The following CAMKMT variants were observed in gnomAD, a reference collection of about 807,000 sequenced individuals.
CAMKMT encodes calmodulin-lysine N-methyltransferase.
A neutral mutation model predicts 48.0 loss-of-function variants in CAMKMT; 53 were observed. The observed-to-expected ratio is 1.10, with a 90% confidence interval of 0.89 to 1.39. The LOEUF (loss-of-function observed/expected upper bound fraction) is 1.39. Among genes scored for constraint, CAMKMT ranks in the 40% most tolerant of loss-of-function variants. The pLI is 0.00. For synonymous variants in CAMKMT, 165 were observed against 152.3 expected (o/e 1.08, Z -0.61); for missense variants, 428 against 402.7 (o/e 1.06, Z -0.54).
chr2:44,766,599 G>C (rs375205307), intron 10 of CAMKMT, 38 bp downstream of exon 10: 1 of 1,606,678 alleles, frequency 6.2e-7, no homozygotes, highest in Non-Finnish European at 8.5e-7. Context: ...ACTTTAATCC[G>C]CATTGCATTT....
chr2:44,659,973 T>C (rs1165187112), intron 3 of CAMKMT, among the ~76,000 whole-genome samples: 1 of 152,210 alleles, frequency 6.6e-6, no homozygotes, highest in Admixed American at 6.5e-5. Context: ...AAAGAACTTT[T>C]GTTTATATGA....
intron 1 of CAMKMT, among the ~76,000 whole-genome samples, chr2:44,368,161 GACTT>G (rs1160287765): frequency 6.6e-6 from 1 of 152,094 alleles, no homozygotes; most frequent in African/African-American, 2.4e-5. Context: ...ATAGCTCATT[GACTT>G]ACTTAGGAGA....
chr2:44,683,475 G>A (rs1676136148), intron 3 of CAMKMT, among the ~76,000 whole-genome samples: 1 of 152,160 alleles, frequency 6.6e-6, no homozygotes, highest in South Asian at 2.1e-4. Context: ...CAAGCCCCTG[G>A]ATCCTTTAGA....
At chr2:44,755,120 C>T (rs1680316580) in intron 9 of CAMKMT, among the ~76,000 whole-genome samples, 1 of 152,126 alleles carries the variant, frequency 6.6e-6, no homozygotes, top group Admixed American at 6.6e-5. Context: ...TCATCCTTTG[C>T]CATACACTGT....
At position 44,407,442 on chromosome 2, in the gene CAMKMT, T is replaced by G. The variant is rs201878280; in HGVS notation, c.376+17137T>G. 1.4e-4 allele frequency among the ~76,000 whole-genome samples: 21 copies of G among 152,286 alleles called. No homozygotes were observed. In the South Asian group the frequency reaches 1.5e-3, roughly 11 times the overall value. Reference sequence around the variant, plus strand: ...ACGGCAATACACTTTTGCTTTGTATTAGTGCAGGATCCTTGGCATGAGTGG... The same window carrying G: ...ACGGCAATACACTTTTGCTTTGTATGAGTGCAGGATCCTTGGCATGAGTGG... On this transcript the variant is annotated intron_variant, in intron 3 of 10. Coordinates refer to ENST00000378494, the MANE Select transcript of CAMKMT (RefSeq NM_024766.5).
chr2:44,713,491 G>A (rs779700478), intron 6 of CAMKMT, among the ~76,000 whole-genome samples: 46 of 152,136 alleles, frequency 3.0e-4, no homozygotes, highest in Non-Finnish European at 5.6e-4. Context: ...TCATTTAGAA[G>A]ACTTTCCTGA....
intron 3 of CAMKMT, among the ~76,000 whole-genome samples, chr2:44,494,881 G>C (rs1428100643): frequency 7.9e-5 from 12 of 152,196 alleles, no homozygotes; most frequent in Admixed American, 7.9e-4. Flanking sequence ...AGTAATCAGA[G>C]CACTGTGCTT....
chr2:44,405,558 G>A (rs1682722457), intron 3 of CAMKMT, among the ~76,000 whole-genome samples: 1 of 151,982 alleles, frequency 6.6e-6, no homozygotes, highest in African/African-American at 2.4e-5. Flanking sequence ...AAGGAATGGG[G>A]TAGAAGAAAA....
chr2:44,722,119 C>A (rs1678497468), intron 7 of CAMKMT, among the ~76,000 whole-genome samples: 1 of 150,614 alleles, frequency 6.6e-6, no homozygotes, highest in South Asian at 2.1e-4. Context: ...ATGGATAGAC[C>A]ACACTTTATC....
rs149269689 is a variant in CAMKMT at position 44,363,818 on chromosome 2, A to G, written c.138+1673A>G. Among the ~76,000 whole-genome samples the G allele has an allele frequency of 1.4e-3, 205 of 150,588 alleles. 3 individuals carry two copies. Among genetic ancestry groups the G allele is most frequent in the African/African-American group, 4.7e-3 (193 of 41,026 alleles). On this transcript the variant is annotated intron_variant, in intron 1 of 10. Transcript: ENST00000378494. ...AATTCTCCCGTACTCAGCCTTCCGA[A>G]TAGCTGGGATTACAGGTGCTCGCCA... is the stretch of plus-strand genomic sequence containing the variant.
intron 3 of CAMKMT, among the ~76,000 whole-genome samples, chr2:44,649,752 C>G (rs1673953239): frequency 1.3e-5 from 2 of 152,146 alleles, no homozygotes; most frequent in African/African-American, 4.8e-5. Context: ...ACAAACTCAC[C>G]CATTCCTGCT....
intron 3 of CAMKMT, among the ~76,000 whole-genome samples, chr2:44,480,798 A>G (rs1222747239): frequency 6.6e-6 from 1 of 152,090 alleles, no homozygotes; most frequent in Non-Finnish European, 1.5e-5. Flanking sequence ...TTTTTGAACC[A>G]TATTTTTGGA....
chr2:44,561,901 G>T (rs901543915), intron 3 of CAMKMT, among the ~76,000 whole-genome samples: 8 of 152,180 alleles, frequency 5.3e-5, no homozygotes, highest in Non-Finnish European at 7.3e-5. Context: ...GAAATCACTA[G>T]GCGATGGCCA....
chr2:44,628,239 T>G (rs1672608131), intron 3 of CAMKMT, among the ~76,000 whole-genome samples: 1 of 152,160 alleles, frequency 6.6e-6, no homozygotes, highest in Admixed American at 6.5e-5. Flanking sequence ...TGAGCCACTG[T>G]GCCCATCATT....
intron 3 of CAMKMT, among the ~76,000 whole-genome samples, chr2:44,508,409 A>G (rs1378969596): frequency 2.0e-5 from 3 of 152,188 alleles, no homozygotes; most frequent in African/African-American, 7.2e-5. Flanking sequence ...GTATACCTAT[A>G]GGTATAGAAC....
chr2:44,692,926 T>G (rs1676744291), intron 3 of CAMKMT, among the ~76,000 whole-genome samples: 1 of 152,166 alleles, frequency 6.6e-6, no homozygotes, highest in Non-Finnish European at 1.5e-5. Context: ...TCATATAAAA[T>G]TGAAGGAAAA....
chr2:44,490,836 A>C (rs998946227), intron 3 of CAMKMT, among the ~76,000 whole-genome samples: 1 of 152,130 alleles, frequency 6.6e-6, no homozygotes, highest in Admixed American at 6.5e-5. Context: ...AGAAAACAGC[A>C]ATGAAGTCAT....
chr2:44,587,723 G>A (rs1360608530), intron 3 of CAMKMT, among the ~76,000 whole-genome samples: 8 of 132,224 alleles, frequency 6.1e-5, no homozygotes, highest in Non-Finnish European at 8.2e-5. Context: ...CGAGTGATCC[G>A]CCAGCCTCGG....
intron 3 of CAMKMT, among the ~76,000 whole-genome samples, chr2:44,467,358 C>A (rs556118755): frequency 6.6e-6 from 1 of 151,722 alleles, no homozygotes; most frequent in African/African-American, 2.4e-5. Flanking sequence ...ATGGTGAAAC[C>A]CTGTCTCTAC....
Sources: gnomAD v4.1 joint callset for allele counts (sites outside exome capture counted in the v4.1 genomes callset) on GRCh38, gnomAD v4.1.1 for gene constraint, MANE v1.5 for transcripts, NCBI Gene and HGNC (gene_info 2026-07-23, HGNC 2026-07-21) for gene names.